The following TRPC5 variants were observed in gnomAD, a reference collection of about 807,000 sequenced individuals.
TRPC5 encodes the protein transient receptor potential cation channel subfamily C member 5.
A neutral mutation model predicts 56.5 loss-of-function variants in TRPC5; 9 were observed. That is an observed-to-expected ratio of 0.16 (90% CI 0.10 to 0.28). The LOEUF (loss-of-function observed/expected upper bound fraction) is 0.28. Among genes scored for constraint, TRPC5 ranks in the 10% least tolerant of loss-of-function variants. The probability of loss-of-function intolerance (pLI) is 1.00; values close to 1 mark genes in which losing one functional copy is unlikely to be tolerated. For synonymous variants in TRPC5, 282 were observed against 278.5 expected (o/e 1.01, Z -0.13); for missense variants, 469 against 748.9 (o/e 0.63, Z 4.36).
intron 1 of TRPC5, among the ~76,000 whole-genome samples, chrX:112,029,796 A>G (rs1929535101): frequency 9.1e-6 from 1 of 110,412 alleles, no homozygotes; most frequent in Admixed American, 9.6e-5. Flanking sequence ...GAAGAAAGGT[A>G]GAATAATGAG....
chrX:112,030,612 C>G (rs1467803478), intron 1 of TRPC5, among the ~76,000 whole-genome samples: 3 of 111,996 alleles, frequency 2.7e-5, no homozygotes, highest in Non-Finnish European at 5.6e-5. Context: ...TGTCCATCAG[C>G]CTTGTCTTTC....
chrX:112,051,062 T>G (rs1249450971), intron 1 of TRPC5, among the ~76,000 whole-genome samples: 2 of 112,786 alleles, frequency 1.8e-5, no homozygotes, highest in African/African-American at 6.4e-5. Flanking sequence ...TGCAGCAGAA[T>G]GTATAACCTG....
intron 1 of TRPC5, among the ~76,000 whole-genome samples, chrX:112,069,706 T>C (rs1172478695): frequency 8.9e-6 from 1 of 112,307 alleles, no homozygotes; most frequent in Non-Finnish European, 1.9e-5. Context: ...CCCTGACTTC[T>C]GCTCTGCCTT....
intron 1 of TRPC5, among the ~76,000 whole-genome samples, chrX:111,967,475 A>C (rs955006900): frequency 8.9e-6 from 1 of 111,815 alleles, no homozygotes; most frequent in African/African-American, 3.3e-5. Context: ...ACTGGAAAAA[A>C]ACTACTTTAA....
chrX:111,779,370 C>T, intron 9 of TRPC5, among the ~76,000 whole-genome samples: 1 of 111,830 alleles, frequency 8.9e-6, no homozygotes, highest in Non-Finnish European at 1.9e-5. Context: ...ATATCCTTTT[C>T]CTTTAGGATG....
At chrX:111,968,126 AG>A (rs1471357201) in intron 1 of TRPC5, among the ~76,000 whole-genome samples, 1 of 111,797 alleles carries the variant, frequency 8.9e-6, no homozygotes, top group Admixed American at 9.5e-5. Flanking sequence ...CAAATTTACA[AG>A]AAAAAAACAA....
intron 1 of TRPC5, among the ~76,000 whole-genome samples, chrX:111,982,947 A>G (rs1928120423): frequency 9.0e-6 from 1 of 111,001 alleles, no homozygotes; most frequent in Admixed American, 9.6e-5. Flanking sequence ...CTTCTGGAGG[A>G]ACCTGCCCTA....
intron 1 of TRPC5, among the ~76,000 whole-genome samples, chrX:111,970,381 G>T (rs1386324426): frequency 9.0e-6 from 1 of 111,682 alleles, no homozygotes; most frequent in African/African-American, 3.3e-5. Context: ...CACTCAAGAA[G>T]TTCTGCTGAG....
intron 2 of TRPC5, among the ~76,000 whole-genome samples, chrX:111,920,231 C>T (rs1394491110): frequency 9.0e-6 from 1 of 111,043 alleles, no homozygotes; most frequent in Admixed American, 9.6e-5. Context: ...GTGAAGATCG[C>T]ACCACTACAC....
rs1190205961 is a variant in TRPC5 at position 112,020,537 on chromosome X, G to T, written c.-22+61342C>A. On this transcript the variant is annotated intron_variant, in intron 1 of 10. Transcript: ENST00000262839. ...AACCTTACCTGAGTGACATTCTTAGGCCTGAATGTAAAAAACACACACAGT... is the reference window on the plus strand; with the variant it reads ...AACCTTACCTGAGTGACATTCTTAGTCCTGAATGTAAAAAACACACACAGT... 3.6e-5 allele frequency among the ~76,000 whole-genome samples: 4 copies of T among 112,046 alleles called. No individual in the cohort carries two copies. In the East Asian group the frequency reaches 1.1e-3, roughly 31 times the overall value.
intron 6 of TRPC5, among the ~76,000 whole-genome samples, chrX:111,840,466 T>C (rs1409807576): frequency 2.7e-5 from 3 of 112,640 alleles, no homozygotes; most frequent in Non-Finnish European, 5.6e-5. Context: ...GGAAAAAAAG[T>C]CTGTACATAT....
rs749058212 is a variant in TRPC5, at chrX:111,907,897, T to C, written c.900+4394A>G. On this transcript the variant is annotated intron_variant, in intron 3 of 10. Transcript: ENST00000262839. ...ATTTTGGATATTTACTGAACAGACT[T>C]ATCAGTCTGATTCCTCAAATCAAGG... Among the ~76,000 whole-genome samples, 3 of 111,387 alleles carry C rather than the reference T, an allele frequency of 2.7e-5. No individual in the cohort carries two copies. In the South Asian group the frequency reaches 1.1e-3, roughly 42 times the overall value.
rs1945834768 is a variant in TRPC5, at chrX:111,770,038, A to G, written c.*6275T>C. 9.0e-6 allele frequency among the ~76,000 whole-genome samples: 1 copy of G among 111,693 alleles called. No individual in the cohort carries two copies. The highest frequency in any genetic ancestry group is 1.9e-5 in the Non-Finnish European group (1 of 53,092). ...ATGGCTTTTTAAGGTGACTACTTTA[A>G]AGGACCACGTTCATTTGGGTGCATA... On this transcript the variant is annotated 3_prime_UTR_variant, in exon 11 of 11. Coordinates refer to ENST00000262839, the MANE Select transcript of TRPC5 (RefSeq NM_012471.3).
intron 2 of TRPC5, among the ~76,000 whole-genome samples, chrX:111,944,303 T>TGTGTGTGTGAGAGAGAGA (rs1173179815): frequency 3.3e-5 from 2 of 61,386 alleles, no homozygotes; most frequent in African/African-American, 2.1e-4. Context: ...TGTGTGTGTG[T>TGTGTGTGTGAGAGAGAGA]GAGAGAGAGA....
intron 3 of TRPC5, among the ~76,000 whole-genome samples, chrX:111,873,216 C>T (rs189530294): frequency 8.9e-6 from 1 of 112,046 alleles, no homozygotes; most frequent in Non-Finnish European, 1.9e-5. Context: ...ATGGATGGAG[C>T]TGGAGGTAAT....
intron 7 of TRPC5, among the ~76,000 whole-genome samples, chrX:111,788,258 C>T: frequency 8.9e-6 from 1 of 111,931 alleles, no homozygotes; most frequent in South Asian, 3.7e-4. Flanking sequence ...GCTGGTTCAA[C>T]ATACACAAAT....
intron 3 of TRPC5, among the ~76,000 whole-genome samples, chrX:111,864,319 G>A (rs902373306): frequency 3.7e-4 from 41 of 112,323 alleles, no homozygotes; most frequent in African/African-American, 1.3e-3. Context: ...TATGTTGCTG[G>A]ATTTAGATTG....
chrX:111,963,692 C>T (rs933954561), intron 1 of TRPC5, among the ~76,000 whole-genome samples: 4 of 111,997 alleles, frequency 3.6e-5, no homozygotes, highest in African/African-American at 1.3e-4. Context: ...ACAGCCACCG[C>T]TGCTGATACC....
At position 111,776,862 on chromosome X, in the gene TRPC5, C is replaced by T; in HGVS notation, c.2373G>A (p.Arg791=). 8.3e-7 allele frequency: 1 copy of T among 1,211,300 alleles called. No individual in the cohort carries two copies. Among genetic ancestry groups the T allele is most frequent in the South Asian group, 1.8e-5 (1 of 56,866 alleles). Residue 791 remains arginine (R), a synonymous_variant, in exon 11 of 11, where the codon CGG becomes CGA. Transcript: ENST00000262839. ...TAAAAGAGACACTCTTGGATTTGGC[C>T]CGAGCCCCACCACTGCCATCATTAT... ...DDNNDGSGGA[R]AKSKSVSFNL...
Sources: allele counts gnomAD v4.1 joint callset (sites outside exome capture counted in the v4.1 genomes callset), GRCh38; gene constraint gnomAD v4.1.1; transcripts MANE v1.5; gene names NCBI Gene and HGNC (gene_info 2026-07-23, HGNC 2026-07-21).